The following TNIK variants were observed in gnomAD, a reference collection of about 807,000 sequenced individuals.
TNIK encodes the protein TRAF2 and NCK interacting kinase.
Under a neutral mutation model 191.3 loss-of-function variants are expected in TNIK, and 49 were observed. The ratio of observed to expected loss-of-function variants is 0.26; its 90% CI spans 0.20 to 0.32. TNIK has a LOEUF of 0.32. Ranked by LOEUF, TNIK falls within the 10% of genes least tolerant of loss-of-function variation. The pLI is 1.00. For synonymous variants in TNIK, 594 were observed against 600.9 expected (o/e 0.99, Z 0.17); for missense variants, 1,155 against 1,702.3 (o/e 0.68, Z 5.66).
intron 22 of TNIK, among the ~76,000 whole-genome samples, chr3:171,097,019 A>G (rs1220874240): frequency 6.6e-6 from 1 of 152,226 alleles, no homozygotes; most frequent in African/African-American, 2.4e-5. Context: ...AGGATGTGCC[A>G]AAATAATTTT....
chr3:171,176,797 C>G (rs1315867651), intron 8 of TNIK, among the ~76,000 whole-genome samples: 2 of 152,230 alleles, frequency 1.3e-5, no homozygotes, highest in Non-Finnish European at 2.9e-5. Flanking sequence ...CAGAGACTCT[C>G]TGCTGGGGCC....
chr3:171,157,764 C>T, intron 11 of TNIK, 100 bp from the exon 12 acceptor site: 1 of 1,225,958 alleles, frequency 8.2e-7, no homozygotes, highest in Non-Finnish European at 1.1e-6. Flanking sequence ...TTCACCCACA[C>T]ACAGGGAAAG....
chr3:171,200,446 T>TC (rs1739265397), intron 4 of TNIK, among the ~76,000 whole-genome samples: 1 of 152,230 alleles, frequency 6.6e-6, no homozygotes, highest in Non-Finnish European at 1.5e-5. Flanking sequence ...GCCAAAGAGT[T>TC]CTGACACTTC....
intron 10 of TNIK, among the ~76,000 whole-genome samples, chr3:171,162,335 A>G (rs148069701): frequency 0.013 from 2,005 of 152,218 alleles, 40 homozygotes; most frequent in African/African-American, 0.046. Context: ...GAGGCAGGAG[A>G]ATGGCATGAA....
At chr3:171,293,363 G>A (rs1210893549) in intron 2 of TNIK, among the ~76,000 whole-genome samples, 1 of 152,124 alleles carries the variant, frequency 6.6e-6, no homozygotes, top group African/African-American at 2.4e-5. Flanking sequence ...AGCCAAACCT[G>A]GTCTCCATTT....
chr3:171,221,595 A>T (rs1472051025), intron 3 of TNIK, among the ~76,000 whole-genome samples: 1 of 152,178 alleles, frequency 6.6e-6, no homozygotes, highest in African/African-American at 2.4e-5. Context: ...ATTCCAGAAG[A>T]TAGTGCCCAT....
chr3:171,319,093 T>C (rs554104330), intron 2 of TNIK, among the ~76,000 whole-genome samples: 6 of 152,254 alleles, frequency 3.9e-5, no homozygotes, highest in Non-Finnish European at 7.4e-5. Context: ...ATGGGAAGAT[T>C]TCTGGAGCCC....
chr3:171,250,903 T>C (rs1746148103), intron 2 of TNIK, among the ~76,000 whole-genome samples: 1 of 152,222 alleles, frequency 6.6e-6, no homozygotes, highest in Non-Finnish European at 1.5e-5. Context: ...CAATTATCAA[T>C]TGATGGTGTC....
At chr3:171,437,799 C>G (rs904675053) in intron 1 of TNIK, among the ~76,000 whole-genome samples, 3 of 152,324 alleles carry the variant, frequency 2.0e-5, no homozygotes, top group East Asian at 3.9e-4. Context: ...CTTTCTTGCT[C>G]ACATGCTTCT....
At chr3:171,280,218 T>C (rs1750268968) in intron 2 of TNIK, among the ~76,000 whole-genome samples, 1 of 152,182 alleles carries the variant, frequency 6.6e-6, no homozygotes, top group Admixed American at 6.5e-5. Flanking sequence ...CCTTAACCCT[T>C]GCCTAGGAAC....
chr3:171,176,098 A>G (rs1025778458), intron 8 of TNIK, among the ~76,000 whole-genome samples: 1 of 152,238 alleles, frequency 6.6e-6, no homozygotes, highest in African/African-American at 2.4e-5. Flanking sequence ...CTTTGTAGCT[A>G]GAATAAGAAT....
At chr3:171,246,334 T>C (rs934349073) in intron 2 of TNIK, among the ~76,000 whole-genome samples, 1 of 152,088 alleles carries the variant, frequency 6.6e-6, no homozygotes, top group African/African-American at 2.4e-5. Context: ...CAAAACAGAT[T>C]CTAATCACCT....
rs558034459 is a variant in TNIK at position 171,379,515 on chromosome 3, A to C, written c.58-9830T>G. On this transcript the variant is annotated intron_variant, in intron 1 of 32. Coordinates refer to ENST00000436636, the MANE Select transcript of TNIK (RefSeq NM_015028.4). ...CACGACTACAAACCTGCTTGTGCAC[A>C]CAAGGAATGCACAAGCCCCAACTGT... 2.0e-5 allele frequency among the ~76,000 whole-genome samples: 3 copies of C among 152,314 alleles called. No individual in the cohort carries two copies. In the East Asian group the frequency reaches 5.8e-4, roughly 29 times the overall value.
At chr3:171,122,470 T>C (rs753244629) in intron 18 of TNIK, among the ~76,000 whole-genome samples, 14 of 152,168 alleles carry the variant, frequency 9.2e-5, no homozygotes, top group Non-Finnish European at 1.8e-4. Flanking sequence ...AAAAAATGGC[T>C]CATTCAGAGC....
At chr3:171,314,244 A>G (rs1754354120) in intron 2 of TNIK, among the ~76,000 whole-genome samples, 1 of 152,148 alleles carries the variant, frequency 6.6e-6, no homozygotes, top group East Asian at 1.9e-4. Context: ...GGATTATGAG[A>G]ACCTCTACTT....
At chr3:171,368,548 G>A (rs549860180) in intron 2 of TNIK, among the ~76,000 whole-genome samples, 5 of 152,072 alleles carry the variant, frequency 3.3e-5, no homozygotes, top group Non-Finnish European at 7.4e-5. Flanking sequence ...GGAAATAATC[G>A]TTTCTTGCAA....
chr3:171,188,631 G>T, intron 7 of TNIK, 71 bp downstream of exon 7: 1 of 1,556,136 alleles, frequency 6.4e-7, no homozygotes, highest in Non-Finnish European at 8.7e-7. Context: ...AAATATAAGG[G>T]CATGTAAGAC....
chr3:171,327,581 C>G (rs1471662112), intron 2 of TNIK, among the ~76,000 whole-genome samples: 5 of 152,080 alleles, frequency 3.3e-5, no homozygotes, highest in Non-Finnish European at 7.4e-5. Context: ...ACAAAAGTTA[C>G]CAGGATGCCC....
chr3:171,098,114 G>GT (rs397941843), intron 22 of TNIK, among the ~76,000 whole-genome samples: 2 of 151,882 alleles, frequency 1.3e-5, no homozygotes, highest in African/African-American at 4.8e-5. Context: ...CCTTCCAAAG[G>GT]TATAGCATAG....
Sources: allele counts gnomAD v4.1 joint callset (sites outside exome capture counted in the v4.1 genomes callset), GRCh38; gene constraint gnomAD v4.1.1; transcripts MANE v1.5; gene names NCBI Gene and HGNC (gene_info 2026-07-23, HGNC 2026-07-21).